FBXO38: variants seen among roughly 807,000 people sequenced by gnomAD.
The protein encoded by FBXO38 is F-box protein 38, also known as F-box only protein 38.
A neutral mutation model predicts 131.9 loss-of-function variants in FBXO38; 53 were observed. That is an observed-to-expected ratio of 0.40 (90% CI 0.32 to 0.51). The LOEUF is 0.51. Among genes scored for constraint, FBXO38 ranks in the 20% least tolerant of loss-of-function variants. FBXO38 has a pLI of 0.53. For synonymous variants in FBXO38, 452 were observed against 505.6 expected, an observed-to-expected ratio of 0.89 and a Z score of 1.42; for missense variants, 1,076 against 1,475.6, an observed-to-expected ratio of 0.73 and a Z score of 4.44.
In FBXO38 at chr5:148,433,533, A is replaced by G. The variant is rs1343735018; in HGVS notation, c.2754+9A>G. The G allele has an allele frequency of 6.2e-7, 1 of 1,602,304 alleles. No homozygotes were observed. Among genetic ancestry groups the G allele is most frequent in the Non-Finnish European group, 8.5e-7 (1 of 1,170,528 alleles). ...AGGATGACCATGTGCAGGTAGAGAA[A>G]AAACCCTCACTTACCTTTATCACAG... is the stretch of plus-strand genomic sequence containing the variant. On this transcript the variant is annotated intron_variant, in intron 16 of 21. Transcript: ENST00000340253.
intron 9 of FBXO38, among the ~76,000 whole-genome samples, chr5:148,411,278 G>C (rs1752734319): frequency 6.6e-6 from 1 of 152,142 alleles, no homozygotes; most frequent in Admixed American, 6.5e-5. Flanking sequence ...TGGAAAGCTT[G>C]TTCACAGCAT....
intron 17 of FBXO38, 54 bp from the exon 18 acceptor site, chr5:148,438,278 G>A (rs1384876395): frequency 1.3e-6 from 2 of 1,529,980 alleles, no homozygotes; most frequent in Admixed American, 1.9e-5. Context: ...CAAAAATTAG[G>A]CCATCTCTCC....
intron 3 of FBXO38, among the ~76,000 whole-genome samples, chr5:148,400,317 A>G (rs943780801): frequency 6.6e-6 from 1 of 152,132 alleles, no homozygotes; most frequent in East Asian, 1.9e-4. Flanking sequence ...TATTCCTTAT[A>G]TTAGATTTAC....
intron 15 of FBXO38, among the ~76,000 whole-genome samples, chr5:148,431,389 CTT>C (rs2113642097): frequency 6.6e-6 from 1 of 152,218 alleles, no homozygotes; most frequent in East Asian, 1.9e-4. Context: ...CATTTTATAA[CTT>C]TGCCTAGAAA....
intron 9 of FBXO38, among the ~76,000 whole-genome samples, chr5:148,411,992 A>G (rs1282082716): frequency 6.6e-6 from 1 of 152,140 alleles, no homozygotes; most frequent in African/African-American, 2.4e-5. Flanking sequence ...TACCTTCAGG[A>G]TGGCCAAATT....
chr5:148,391,315 A>T (rs1383592487), intron 1 of FBXO38, among the ~76,000 whole-genome samples: 2 of 152,198 alleles, frequency 1.3e-5, no homozygotes, highest in Admixed American at 1.3e-4. Context: ...GTGAGCAAGG[A>T]CTTGTTGTCA....
At position 148,441,110 on chromosome 5, in the gene FBXO38, C is replaced by T. The variant is rs368303623; in HGVS notation, c.3275-14C>T. 1.1e-5 allele frequency: 17 copies of T among 1,597,516 alleles called. No homozygotes were observed. Among genetic ancestry groups the T allele is most frequent in the Non-Finnish European group, 1.5e-5 (17 of 1,165,036 alleles). On this transcript the variant is annotated splice_polypyrimidine_tract_variant and intron_variant, in intron 20 of 21. Transcript: ENST00000340253. ...ACTCCCACGCCAGTTAGCAATGTTA[C>T]ATTTGTCTTTTAGGTGTTGTGGATG... is the stretch of plus-strand genomic sequence containing the variant.
In FBXO38 at chr5:148,438,528, C is replaced by A. The variant is rs1049968691; in HGVS notation, c.3024+30C>A. 3 of 1,596,848 alleles carry A rather than the reference C, an allele frequency of 1.9e-6. No homozygotes were observed. The South Asian group carries it at 3.4e-5, about 18-fold the overall frequency. On this transcript the variant is annotated intron_variant, in intron 18 of 21. Transcript: ENST00000340253. ...CGAGCTTTGCTTCTTTCCGATGATA[C>A]ACATATTGTGGTGTTTTTCTTTTTC...
At chr5:148,433,893 A>G in intron 17 of FBXO38, 156 bp downstream of exon 17, 2 of 480,048 alleles carry the variant, frequency 4.2e-6, no homozygotes, top group South Asian at 7.6e-5. Context: ...TTCTCAAATT[A>G]TTACTCCATA....
At chr5:148,387,283 C>T (rs1581213175) in intron 1 of FBXO38, among the ~76,000 whole-genome samples, 1 of 152,326 alleles carries the variant, frequency 6.6e-6, no homozygotes, top group African/African-American at 2.4e-5. Context: ...TTCATCTCAA[C>T]AAACCACTTT....
At chr5:148,433,960 C>T in intron 17 of FBXO38, 1 of 315,880 alleles carries the variant, frequency 3.2e-6, no homozygotes. Flanking sequence ...AGCCTGTCTC[C>T]AAAAGATAAT....
At chr5:148,410,322 C>T in intron 8 of FBXO38, 2 of 327,460 alleles carry the variant, frequency 6.1e-6, no homozygotes, top group Non-Finnish European at 1.1e-5. Context: ...GAATAAGTCT[C>T]ACTAGATCCA....
intron 4 of FBXO38, 42 bp from the exon 5 acceptor site, chr5:148,402,306 A>G (rs1209806976): frequency 6.4e-7 from 1 of 1,574,626 alleles, no homozygotes; most frequent in Admixed American, 1.8e-5. Flanking sequence ...TGGATGCTAA[A>G]CTAAAGTCTT....
intron 12 of FBXO38, among the ~76,000 whole-genome samples, chr5:148,421,111 C>T (rs931884367): frequency 3.3e-5 from 5 of 152,036 alleles, no homozygotes; most frequent in South Asian, 2.1e-4. Context: ...GGACTATAGG[C>T]GCGTGCCATC....
At chr5:148,405,016 C>CAAA (rs764926425) in intron 6 of FBXO38, among the ~76,000 whole-genome samples, 194 bp downstream of exon 6, 1 of 122,728 alleles carries the variant, frequency 8.1e-6, no homozygotes, top group Non-Finnish European at 1.8e-5. Flanking sequence ...TTGACCTCAG[C>CAAA]AAAAAAAAAA....
chr5:148,433,837 A>G, intron 17 of FBXO38, 100 bp downstream of exon 17: 1 of 619,878 alleles, frequency 1.6e-6, no homozygotes, highest in East Asian at 2.8e-5. Flanking sequence ...TATTTTCTTA[A>G]AGGAAATATT....
At chr5:148,423,673 T>G (rs895011726) in intron 12 of FBXO38, 3 of 177,162 alleles carry the variant, frequency 1.7e-5, no homozygotes. Context: ...CCCATATAAT[T>G]CAGTGACATT....
chr5:148,427,690 C>T lies in FBXO38; in HGVS notation c.2396C>T (p.Thr799Ile). 1 of 1,614,214 alleles carries T rather than the reference C, an allele frequency of 6.2e-7. No individual in the cohort carries two copies. Among genetic ancestry groups the T allele is most frequent in the African/African-American group, 1.3e-5 (1 of 75,072 alleles). ...SRCSDEERPSTSRACVVNGPD... is the reference protein window; with the variant it reads ...SRCSDEERPSISRACVVNGPD... ...TGTTCTGATGAGGAACGTCCTTCAA[C>T]CAGCCGAGCCTGTGTTGTGAATGGC... Residue 799 changes from threonine (T) to isoleucine (I), a missense_variant, in exon 15 of 22, where the codon ACC (threonine) becomes ATC (isoleucine). By Grantham distance (89) the Thr-to-Ile change is moderately conservative (BLOSUM62 -1). Transcript: ENST00000340253.
chr5:148,429,662 T>C (rs1232578691), intron 15 of FBXO38, among the ~76,000 whole-genome samples: 1 of 152,238 alleles, frequency 6.6e-6, no homozygotes, highest in Non-Finnish European at 1.5e-5. Context: ...TTAACAGCAC[T>C]GTGTCTTCCT....
Sources: allele counts gnomAD v4.1 joint callset (sites outside exome capture counted in the v4.1 genomes callset), GRCh38; gene constraint gnomAD v4.1.1; transcripts MANE v1.5; gene names NCBI Gene and HGNC (gene_info 2026-07-23, HGNC 2026-07-21).